The following ERBB4 variants were observed in gnomAD, a reference collection of about 807,000 sequenced individuals.
ERBB4 encodes receptor tyrosine-protein kinase erbB-4.
A neutral mutation model predicts 158.0 loss-of-function variants in ERBB4; 42 were observed. That is an observed-to-expected ratio of 0.27 (90% CI 0.21 to 0.34). The LOEUF is 0.34. Ranked by LOEUF, ERBB4 falls within the 10% of genes least tolerant of loss-of-function variation. The pLI is 1.00. For synonymous variants in ERBB4, 583 were observed against 558.7 expected (o/e 1.04, Z -0.61); for missense variants, 1,333 against 1,624.1 (o/e 0.82, Z 3.08).
intron 2 of ERBB4, among the ~76,000 whole-genome samples, chr2:211,970,169 T>C (rs2081411910): frequency 6.6e-6 from 1 of 152,274 alleles, no homozygotes; most frequent in Non-Finnish European, 1.5e-5. Context: ...CAGGAGCAGG[T>C]TATTCAATTT....
chr2:212,170,562 G>A (rs1299516717), intron 1 of ERBB4, among the ~76,000 whole-genome samples: 1 of 152,312 alleles, frequency 6.6e-6, no homozygotes, highest in East Asian at 1.9e-4. Flanking sequence ...CCCATCACAG[G>A]CACGTAGGCC....
intron 1 of ERBB4, among the ~76,000 whole-genome samples, chr2:212,457,574 C>T (rs1190212823): frequency 2.0e-5 from 3 of 152,006 alleles, no homozygotes; most frequent in Admixed American, 2.0e-4. Flanking sequence ...CATTAAATCA[C>T]TACCTATCAC....
chr2:212,427,808 G>T (rs775034825), intron 1 of ERBB4, among the ~76,000 whole-genome samples: 2 of 152,106 alleles, frequency 1.3e-5, no homozygotes, highest in African/African-American at 2.4e-5. Context: ...GTGAGAGCTT[G>T]TGGGGAAACG....
In ERBB4 at chr2:211,821,345, A is replaced by G. The variant is rs2076991280; in HGVS notation, c.422-33186T>C. Reference sequence around the variant, plus strand: ...AAAATAATTGGACAAGGAAAACTACAAAACACTGATGAAATAAATTGAAGA... The same window carrying G: ...AAAATAATTGGACAAGGAAAACTACGAAACACTGATGAAATAAATTGAAGA... On this transcript the variant is annotated intron_variant, in intron 3 of 27. Transcript: ENST00000342788. Among the ~76,000 whole-genome samples, 12 of 151,968 alleles carry G rather than the reference A, an allele frequency of 7.9e-5. 1 individual carries two copies. The South Asian group carries it at 2.5e-3, about 31-fold the overall frequency.
intron 1 of ERBB4, among the ~76,000 whole-genome samples, chr2:212,226,018 A>T (rs1469157694): frequency 6.6e-6 from 1 of 152,180 alleles, no homozygotes; most frequent in Non-Finnish European, 1.5e-5. Context: ...AAGGGAGATT[A>T]TCCTGGTTGA....
At chr2:212,117,583 T>C (rs551632577) in intron 2 of ERBB4, among the ~76,000 whole-genome samples, 1 of 152,282 alleles carries the variant, frequency 6.6e-6, no homozygotes, top group Non-Finnish European at 1.5e-5. Context: ...TCTTACAAAG[T>C]TTATCAGGAA....
intron 20 of ERBB4, among the ~76,000 whole-genome samples, chr2:211,466,031 T>C (rs1180529265): frequency 6.6e-6 from 1 of 152,120 alleles, no homozygotes; most frequent in Non-Finnish European, 1.5e-5. Context: ...TGGAAGCATT[T>C]TGTCATACAT....
intron 1 of ERBB4, among the ~76,000 whole-genome samples, chr2:212,370,614 T>C (rs746957147): frequency 3.3e-5 from 5 of 152,196 alleles, no homozygotes; most frequent in Non-Finnish European, 4.4e-5. Flanking sequence ...TAGGAAAATA[T>C]GTAACATAGT....
intron 1 of ERBB4, among the ~76,000 whole-genome samples, chr2:212,235,869 C>T (rs1165457936): frequency 6.6e-6 from 1 of 152,164 alleles, no homozygotes; most frequent in Non-Finnish European, 1.5e-5. Context: ...AGATTTTGGG[C>T]TGACACGAAG....
At chr2:211,768,011 T>C (rs1048215816) in intron 4 of ERBB4, among the ~76,000 whole-genome samples, 1 of 152,210 alleles carries the variant, frequency 6.6e-6, no homozygotes, top group Non-Finnish European at 1.5e-5. Context: ...GTCTGTAAAA[T>C]TGAAAGCAAG....
chr2:212,108,863 T>C (rs1470467840), intron 2 of ERBB4, among the ~76,000 whole-genome samples: 1 of 152,148 alleles, frequency 6.6e-6, no homozygotes, highest in African/African-American at 2.4e-5. Flanking sequence ...ATGCATGAAA[T>C]CTTGTCCCTC....
chr2:212,040,310 TTAG>T (rs958319309), intron 2 of ERBB4, among the ~76,000 whole-genome samples: 7 of 151,832 alleles, frequency 4.6e-5, no homozygotes, highest in Admixed American at 3.9e-4. Context: ...TAGAAAAATT[TTAG>T]TAGTTTTTTT....
At chr2:211,861,445 C>T (rs1273592032) in intron 3 of ERBB4, among the ~76,000 whole-genome samples, 1 of 149,230 alleles carries the variant, frequency 6.7e-6, no homozygotes, top group Non-Finnish European at 1.5e-5. Context: ...ATCCGTCATC[C>T]TCCCACTTCA....
chr2:212,140,522 TG>T (rs200312129), intron 1 of ERBB4, among the ~76,000 whole-genome samples: 12,790 of 148,202 alleles, frequency 0.086, 1,149 homozygotes, highest in African/African-American at 0.23. Context: ...TTTTTAAAAA[TG>T]TTTTTTTTTT....
At chr2:212,287,141 T>C (rs922680151) in intron 1 of ERBB4, among the ~76,000 whole-genome samples, 8 of 152,062 alleles carry the variant, frequency 5.3e-5, no homozygotes, top group Non-Finnish European at 4.4e-5. Context: ...CTCCAGCCCC[T>C]GCCTCTTTGC....
chr2:212,312,729 T>C (rs181371244), intron 1 of ERBB4, among the ~76,000 whole-genome samples: 1 of 151,016 alleles, frequency 6.6e-6, no homozygotes, highest in African/African-American at 2.4e-5. Flanking sequence ...TATATTAAAT[T>C]GAACAGCTTT....
At chr2:211,938,195 T>G (rs973130090) in intron 3 of ERBB4, among the ~76,000 whole-genome samples, 25 of 152,306 alleles carry the variant, frequency 1.6e-4, no homozygotes, top group African/African-American at 5.8e-4. Flanking sequence ...TTTCCAGAAC[T>G]GCATTTAATG....
At chr2:212,380,921 T>C (rs1173675927) in intron 1 of ERBB4, among the ~76,000 whole-genome samples, 1 of 151,228 alleles carries the variant, frequency 6.6e-6, no homozygotes, top group African/African-American at 2.4e-5. Flanking sequence ...CAAAATCATA[T>C]ATTGGGTAGT....
At chr2:211,415,215 C>A (rs1420395093) in intron 25 of ERBB4, among the ~76,000 whole-genome samples, 2 of 142,650 alleles carry the variant, frequency 1.4e-5, no homozygotes, top group Non-Finnish European at 3.0e-5. Context: ...CTCCCGGGTT[C>A]ACGCCATTCT....
Sources: gnomAD v4.1 joint callset for allele counts (sites outside exome capture counted in the v4.1 genomes callset) on GRCh38, gnomAD v4.1.1 for gene constraint, MANE v1.5 for transcripts, NCBI Gene and HGNC (gene_info 2026-07-23, HGNC 2026-07-21) for gene names.